PLCB1: variants seen among roughly 807,000 people sequenced by gnomAD.
PLCB1 encodes the protein phospholipase C beta 1.
In PLCB1, 46 loss-of-function variants were observed where a neutral mutation model predicts 161.8. The observed-to-expected ratio is 0.28, with a 90% CI of 0.22 to 0.36. PLCB1 has a LOEUF of 0.36. PLCB1 is among the 10% of genes least tolerant of loss of function. PLCB1 has a pLI of 1.00. For synonymous variants in PLCB1, 517 were observed against 503.7 expected, an observed-to-expected ratio of 1.03 and a Z score of -0.35; for missense variants, 1,016 against 1,472.5, an observed-to-expected ratio of 0.69 and a Z score of 5.07.
chr20:8,247,379 T>C (rs1325573215), intron 2 of PLCB1, among the ~76,000 whole-genome samples: 1 of 151,966 alleles, frequency 6.6e-6, no homozygotes, highest in Non-Finnish European at 1.5e-5. Context: ...TATCATTTCT[T>C]CTTGAAGGCC....
chr20:8,374,890 T>C (rs1273590391), intron 3 of PLCB1, among the ~76,000 whole-genome samples: 1 of 152,174 alleles, frequency 6.6e-6, no homozygotes, highest in Non-Finnish European at 1.5e-5. Context: ...ATTCATATTA[T>C]TTTTGTTTTT....
chr20:8,431,106 A>G (rs1980020945), intron 3 of PLCB1, among the ~76,000 whole-genome samples: 1 of 152,110 alleles, frequency 6.6e-6, no homozygotes, highest in African/African-American at 2.4e-5. Context: ...AGTATATTAT[A>G]CATTAACAAA....
At chr20:8,332,303 T>G (rs1191897935) in intron 2 of PLCB1, among the ~76,000 whole-genome samples, 2 of 152,212 alleles carry the variant, frequency 1.3e-5, no homozygotes, top group Non-Finnish European at 2.9e-5. Flanking sequence ...ACTGTCAAAT[T>G]GAGCAAATTT....
chr20:8,366,937 C>G (rs1055200988), intron 2 of PLCB1, among the ~76,000 whole-genome samples: 1 of 152,108 alleles, frequency 6.6e-6, no homozygotes, highest in Non-Finnish European at 1.5e-5. Flanking sequence ...AAAGATGTAT[C>G]TAATGTTATG....
chr20:8,206,986 T>A (rs1978569843), intron 2 of PLCB1, among the ~76,000 whole-genome samples: 1 of 94,596 alleles, frequency 1.1e-5, no homozygotes, highest in Non-Finnish European at 2.3e-5. Context: ...ACAAGGAGAA[T>A]AAAAATTGTG....
At chr20:8,671,512 T>C (rs1338553412) in intron 9 of PLCB1, among the ~76,000 whole-genome samples, 3 of 152,196 alleles carry the variant, frequency 2.0e-5, no homozygotes, top group East Asian at 3.9e-4. Flanking sequence ...ATTTGGACCT[T>C]GATAGACAAA....
intron 11 of PLCB1, among the ~76,000 whole-genome samples, chr20:8,698,266 G>A (rs969070507): frequency 6.6e-6 from 1 of 152,106 alleles, no homozygotes; most frequent in South Asian, 2.1e-4. Context: ...GACTATTACA[G>A]TGGTCCCTAC....
chr20:8,802,270 C>A, intron 31 of PLCB1: 1 of 644,876 alleles, frequency 1.6e-6, no homozygotes, highest in Non-Finnish European at 2.8e-6. Context: ...CCTTCATCCT[C>A]CCTTTCTCTA....
At chr20:8,617,733 T>A (rs1193588822) in intron 3 of PLCB1, among the ~76,000 whole-genome samples, 4 of 152,194 alleles carry the variant, frequency 2.6e-5, no homozygotes, top group Non-Finnish European at 5.9e-5. Flanking sequence ...CTAGGAAATC[T>A]TAGGTCGAAG....
At position 8,667,968 on chromosome 20, in the gene PLCB1, G is replaced by A. The variant is rs927037830; in HGVS notation, c.862+9264G>A. Among the ~76,000 whole-genome samples, 9 of 152,202 alleles carry A rather than the reference G, an allele frequency of 5.9e-5. No homozygotes were observed. The South Asian group carries it at 8.3e-4, about 14-fold the overall frequency. On this transcript the variant is annotated intron_variant, in intron 9 of 31. Transcript: ENST00000338037. ...AGGGTCTAGGAGCAGGTTGCAGTGCGTGTGGGGTGGGGTGGAGGGGACTCT... is the reference window on the plus strand; with the variant it reads ...AGGGTCTAGGAGCAGGTTGCAGTGCATGTGGGGTGGGGTGGAGGGGACTCT...
At chr20:8,475,034 G>C (rs200363733) in intron 3 of PLCB1, among the ~76,000 whole-genome samples, 12 of 136,292 alleles carry the variant, frequency 8.8e-5, no homozygotes, top group East Asian at 6.1e-4. Context: ...CACACACACA[G>C]ACACACACAC....
At chr20:8,246,256 G>A (rs1262947575) in intron 2 of PLCB1, among the ~76,000 whole-genome samples, 1 of 151,966 alleles carries the variant, frequency 6.6e-6, no homozygotes, top group Non-Finnish European at 1.5e-5. Flanking sequence ...TAAGGGCTTA[G>A]CAGCAGGGTT....
intron 31 of PLCB1, chr20:8,831,517 C>T (rs1313291420): frequency 1.3e-5 from 2 of 152,204 alleles, no homozygotes; most frequent in Non-Finnish European, 2.9e-5. Context: ...ACTAAGACCT[C>T]AGGCCATACC....
intron 2 of PLCB1, among the ~76,000 whole-genome samples, chr20:8,172,990 A>G (rs1336303003): frequency 6.6e-6 from 1 of 152,204 alleles, no homozygotes; most frequent in Non-Finnish European, 1.5e-5. Flanking sequence ...AGGGAAGCCC[A>G]GCACCATTGG....
intron 3 of PLCB1, among the ~76,000 whole-genome samples, chr20:8,600,209 T>C (rs1987499748): frequency 1.5e-5 from 2 of 132,566 alleles, no homozygotes; most frequent in Non-Finnish European, 1.6e-5. Flanking sequence ...TTCTGTTCTG[T>C]TTTTTCCCCA....
At chr20:8,484,166 T>C (rs7265460) in intron 3 of PLCB1, among the ~76,000 whole-genome samples, 75,276 of 151,594 alleles carry the variant, frequency 0.5, 19,473 homozygotes, top group East Asian at 0.66. Flanking sequence ...GCTGGGATCA[T>C]AGGCATGCGC....
At chr20:8,512,683 AT>A (rs1983938860) in intron 3 of PLCB1, among the ~76,000 whole-genome samples, 4 of 152,122 alleles carry the variant, frequency 2.6e-5, no homozygotes, top group Admixed American at 2.6e-4. Context: ...TACCCTCATA[AT>A]ACAAATTGTA....
intron 31 of PLCB1, among the ~76,000 whole-genome samples, chr20:8,800,853 C>T (rs1194706275): frequency 6.6e-6 from 1 of 152,088 alleles, no homozygotes; most frequent in Admixed American, 6.6e-5. Context: ...GCAGTCAAGA[C>T]ATCTTTATAA....
intron 2 of PLCB1, among the ~76,000 whole-genome samples, chr20:8,273,694 C>A (rs540266611): frequency 2.6e-5 from 4 of 152,268 alleles, no homozygotes; most frequent in African/African-American, 7.2e-5. Context: ...GGAGCAATCA[C>A]AATTTTCATT....
Sources: allele counts gnomAD v4.1 joint callset (sites outside exome capture counted in the v4.1 genomes callset), GRCh38; gene constraint gnomAD v4.1.1; transcripts MANE v1.5; gene names NCBI Gene and HGNC (gene_info 2026-07-23, HGNC 2026-07-21).